KANSL1: variants seen among roughly 807,000 people sequenced by gnomAD.
KANSL1 encodes MLL1/MLL complex subunit KANSL1.
Under a neutral mutation model 103.6 loss-of-function variants are expected in KANSL1, and 22 were observed. That is an observed-to-expected ratio of 0.21 (90% CI 0.15 to 0.30). KANSL1 has a LOEUF of 0.30. Ranked by LOEUF, KANSL1 falls within the 10% of genes least tolerant of loss-of-function variation. KANSL1 has a pLI of 1.00. For synonymous variants in KANSL1, 600 were observed against 527.6 expected (o/e 1.14, Z -1.88); for missense variants, 1,337 against 1,399.8 (o/e 0.96, Z 0.72).
At chr17:46,125,480 T>C (rs199868686) in intron 2 of KANSL1, among the ~76,000 whole-genome samples, 1 of 152,326 alleles carries the variant, frequency 6.6e-6, no homozygotes, top group South Asian at 2.1e-4. Flanking sequence ...GGTATGGCTG[T>C]ATTTTCATAC....
chr17:46,194,098 G>C (rs1460237011), upstream of KANSL1, among the ~76,000 whole-genome samples: 1 of 152,230 alleles, frequency 6.6e-6, no homozygotes, highest in Non-Finnish European at 1.5e-5. Flanking sequence ...GCCCCAGCCA[G>C]GGCCCGCGCC....
chr17:46,073,682 G>T (rs937066585), intron 4 of KANSL1, among the ~76,000 whole-genome samples: 1 of 152,260 alleles, frequency 6.6e-6, no homozygotes, highest in South Asian at 2.1e-4. Context: ...GAATACTGTA[G>T]TAACAAATGA....
chr17:46,159,717 T>C (rs1030631172), intron 2 of KANSL1, among the ~76,000 whole-genome samples: 2 of 152,238 alleles, frequency 1.3e-5, no homozygotes, highest in African/African-American at 2.4e-5. Flanking sequence ...AAAGAGCTCC[T>C]TTTCCAGCAA....
intron 1 of KANSL1, among the ~76,000 whole-genome samples, chr17:46,187,063 A>G (rs919776659): frequency 1.3e-5 from 2 of 152,012 alleles, no homozygotes; most frequent in Non-Finnish European, 2.9e-5. Flanking sequence ...TGTCTCTCCT[A>G]TACTAGAAAC....
intron 1 of KANSL1, among the ~76,000 whole-genome samples, chr17:46,174,959 A>C (rs1197072106): frequency 6.6e-6 from 1 of 152,200 alleles, no homozygotes. Flanking sequence ...CCCAGCCTGA[A>C]TTACTTATTA....
At chr17:46,096,657 C>T (rs565952841) in intron 2 of KANSL1, among the ~76,000 whole-genome samples, 3 of 149,634 alleles carry the variant, frequency 2.0e-5, no homozygotes, top group Non-Finnish European at 3.0e-5. Context: ...CTTGCTCTGT[C>T]GCCCGGGCTG....
chr17:46,099,974 T>C (rs1294743760), intron 2 of KANSL1, among the ~76,000 whole-genome samples: 1 of 152,238 alleles, frequency 6.6e-6, no homozygotes, highest in East Asian at 1.9e-4. Flanking sequence ...TAGTACACCT[T>C]AATGTTAACC....
intron 2 of KANSL1, among the ~76,000 whole-genome samples, chr17:46,115,740 T>C (rs2043018636): frequency 6.6e-6 from 1 of 152,198 alleles, no homozygotes; most frequent in African/African-American, 2.4e-5. Flanking sequence ...CCGATAAATC[T>C]TTGCAATCAG....
chr17:46,031,628 C>T lies in KANSL1; in HGVS notation c.3166G>A (p.Ala1056Thr). Residue 1056 changes from alanine (A) to threonine (T), a missense_variant, in exon 15 of 15, where the codon GCA becomes ACA. Around this residue, in one of 2 missense-constraint regions of KANSL1, gnomAD observed 780 missense variants for 923.4 expected, o/e 0.84. Transcript: ENST00000432791. ...PQAECEDQLD[A>T]QERAARCTRR... ...GTGCAGCGGGCTGCTCGCTCCTGTG[C>T]ATCCAGCTGGTCCTCACACTCCGCC... 1.2e-6 allele frequency: 2 copies of T among 1,614,026 alleles called. No individual in the cohort carries two copies. Among genetic ancestry groups the T allele is most frequent in the Non-Finnish European group, 1.7e-6 (2 of 1,179,940 alleles).
intron 1 of KANSL1, among the ~76,000 whole-genome samples, chr17:46,210,503 G>T (rs1555596227): frequency 8.9e-3 from 109 of 12,310 alleles, no homozygotes; most frequent in South Asian, 0.018. Context: ...AAAAAAAAAA[G>T]ACCTGAGTGG....
Position 46,033,168 on chromosome 17 carries a change from A to C in KANSL1, c.2749T>G (p.Phe917Val), listed in dbSNP as rs1222748159. ...TCACATTTGGCATGCAGGGCGGCGA[A>C]GGCTGCGTCGGATAGGTCCTCAATC... ...EEIEDLSDAA[F>V]AALHAKCEEM... is the part of the protein sequence containing the mutation. Residue 917 changes from phenylalanine to valine, a missense_variant, in exon 13 of 15, where the codon TTC (phenylalanine) becomes GTC (valine). Phe to Val is a conservative substitution (Grantham distance 50). Transcript: ENST00000432791. 2 of 1,603,580 alleles carry C rather than the reference A, an allele frequency of 1.2e-6. No homozygotes were observed. The highest frequency in any genetic ancestry group is 1.7e-5 in the Admixed American group (1 of 58,970).
chr17:46,133,411 G>A (rs60699210), intron 2 of KANSL1, among the ~76,000 whole-genome samples: 200 of 152,224 alleles, frequency 1.3e-3, no homozygotes, highest in African/African-American at 4.6e-3. Flanking sequence ...GGTGGTAAAC[G>A]ATTCTTCACT....
chr17:46,193,965 G>A (rs1297233450), upstream of KANSL1: 4 of 157,452 alleles, frequency 2.5e-5, no homozygotes, highest in East Asian at 1.9e-4. Context: ...TCCGCCGCCC[G>A]CCCTTTGTCC....
At chr17:46,172,307 T>A (rs1452739949) in intron 1 of KANSL1, 75 bp from the exon 2 acceptor site, 2 of 744,660 alleles carry the variant, frequency 2.7e-6, no homozygotes, top group Non-Finnish European at 4.2e-6. Flanking sequence ...ACAAAAGCAC[T>A]ACTTGAGGCT....
intron 3 of KANSL1, among the ~76,000 whole-genome samples, chr17:46,083,994 A>T (rs112364920): frequency 0.14 from 21,748 of 152,170 alleles, 2,117 homozygotes; most frequent in Non-Finnish European, 0.22. Context: ...TTCAGTTTTT[A>T]AAAAAGAAGT....
intron 2 of KANSL1, among the ~76,000 whole-genome samples, chr17:46,142,886 C>T (rs1193725981): frequency 6.6e-6 from 1 of 152,158 alleles, no homozygotes; most frequent in Non-Finnish European, 1.5e-5. Flanking sequence ...TTCTTAGATT[C>T]ATACAATATA....
chr17:46,132,749 A>G (rs947837481), intron 2 of KANSL1, among the ~76,000 whole-genome samples: 1 of 152,158 alleles, frequency 6.6e-6, no homozygotes, highest in African/African-American at 2.4e-5. Context: ...GGAGTTTGAG[A>G]CCACGTAATA....
intron 7 of KANSL1, chr17:46,040,172 C>G (rs564496251): frequency 6.1e-5 from 26 of 429,306 alleles, no homozygotes; most frequent in African/African-American, 4.3e-4. Flanking sequence ...GTTGAATTTA[C>G]TGGTTTGAAA....
At chr17:46,098,748 G>A (rs1247988941) in intron 2 of KANSL1, among the ~76,000 whole-genome samples, 1 of 152,232 alleles carries the variant, frequency 6.6e-6, no homozygotes, top group Non-Finnish European at 1.5e-5. Flanking sequence ...AACTCGAAGT[G>A]ATTTCCAGGA....
Sources: allele counts gnomAD v4.1 joint callset (sites outside exome capture counted in the v4.1 genomes callset), GRCh38; gene constraint gnomAD v4.1.1; regional missense constraint gnomAD v4.1.1; transcripts MANE v1.5; gene names NCBI Gene and HGNC (gene_info 2026-07-23, HGNC 2026-07-21).